The following EFEMP2 variants were observed in gnomAD, a reference collection of about 807,000 sequenced individuals.
EFEMP2 encodes EGF-like fibulin extracellular matrix protein 2.
EFEMP2 carries 21 observed loss-of-function variants against 55.3 expected under a neutral mutation model. The observed-to-expected ratio is 0.38, with a 90% confidence interval of 0.27 to 0.55. The LOEUF (loss-of-function observed/expected upper bound fraction) is 0.55. Ranked by LOEUF, EFEMP2 falls within the 20% of genes least tolerant of loss-of-function variation. EFEMP2 has a pLI of 0.77. For missense variants in EFEMP2, 513 were observed against 615.1 expected, an observed-to-expected ratio of 0.83 and a Z score of 1.76; for synonymous variants, 275 against 242.3, an observed-to-expected ratio of 1.14 and a Z score of -1.25.
At position 65,871,345 on chromosome 11, in the gene EFEMP2, G is replaced by C; in HGVS notation, c.179C>G (p.Thr60Ser). Residue 60 changes from threonine to serine, a missense_variant, in exon 4 of 11, where the codon ACC becomes AGC. Transcript: ENST00000307998. ...QHCRDVNECLTIPEACKGEMK... is the reference protein window; with the variant it reads ...QHCRDVNECLSIPEACKGEMK... The stretch of plus-strand genomic sequence containing the variant: ...TTCCCCCTTGCAGGCCTCAGGGATG[G>C]TCAGACACTCGTTGACATCTGCAGA... 6.2e-7 allele frequency: 1 copy of C among 1,614,166 alleles called. No individual in the cohort carries two copies. The highest frequency in any genetic ancestry group is 2.2e-5 in the East Asian group (1 of 44,884).
intron 7 of EFEMP2, 146 bp from the exon 8 acceptor site, chr11:65,868,775 G>C (rs1324872227): frequency 8.6e-7 from 1 of 1,156,210 alleles, no homozygotes; most frequent in Non-Finnish European, 1.3e-6. Context: ...GTTCAGCCGG[G>C]AGATGGAGGG....
intron 4 of EFEMP2, chr11:65,870,908 G>A (rs1859954085): frequency 2.8e-6 from 2 of 706,444 alleles, no homozygotes; most frequent in Non-Finnish European, 4.9e-6. Context: ...GTGGCTCCCA[G>A]GGGACAGACA....
At chr11:65,868,732 T>C (rs1859911201) in intron 7 of EFEMP2, 103 bp from the exon 8 acceptor site, 1 of 1,508,772 alleles carries the variant, frequency 6.6e-7, no homozygotes, top group Admixed American at 1.7e-5. Context: ...AGACTGAATG[T>C]AGGAAGACAG....
chr11:65,869,690 A>C lies in EFEMP2; in HGVS notation c.727+167T>G, dbSNP rs1403216206. On this transcript the variant is annotated intron_variant, in intron 7 of 10. Coordinates refer to ENST00000307998, the MANE Select transcript of EFEMP2 (RefSeq NM_016938.5). ...TGCCTCTCCTTGTGCCTCCCCCACT[A>C]GCCTGGGAGTGCTCCACAGCCAGCC... 9.0e-6 allele frequency: 9 copies of C among 1,002,132 alleles called. 1 individual carries two copies. Among genetic ancestry groups the C allele is most frequent in the African/African-American group, 1.6e-5 (1 of 63,438 alleles). 62.1% of individuals were successfully genotyped at this position (1,002,132 alleles called of 1,614,324 possible).
rs900430907 is a variant in EFEMP2 at position 65,872,774 on chromosome 11, C to T, written c.-99G>A. On this transcript the variant is annotated 5_prime_UTR_variant, in exon 1 of 11. Coordinates refer to ENST00000307998, the MANE Select transcript of EFEMP2 (RefSeq NM_016938.5). The stretch of plus-strand genomic sequence containing the variant: ...GCAGACGGACGGGCGGACGGCACAG[C>T]TCCCTGGACGCGCGGCCCCAGGAAG... The T allele has an allele frequency of 7.4e-6, 2 of 271,542 alleles. No homozygotes were observed. The highest frequency in any genetic ancestry group is 1.5e-5 in the Non-Finnish European group (2 of 129,754). 16.8% of individuals were successfully genotyped at this position (271,542 alleles called of 1,614,324 possible).
intron 1 of EFEMP2, 144 bp downstream of exon 1, chr11:65,872,539 C>A (rs1403345586): frequency 1.2e-5 from 6 of 488,822 alleles, no homozygotes; most frequent in African/African-American, 2.1e-5. Flanking sequence ...GGTCCCAGGC[C>A]CACCCGCCCC....
rs950711280 is a variant in EFEMP2, at chr11:65,872,190, G to A, written c.111+54C>T. On this transcript the variant is annotated intron_variant, in intron 2 of 10. Coordinates refer to ENST00000307998, the MANE Select transcript of EFEMP2 (RefSeq NM_016938.5). ...CCGGCAGCAGTCACCCTGGGTCCCG[G>A]TCTCTTCCTCCCTACCCTTCCTGTC... 2.6e-6 allele frequency: 4 copies of A among 1,519,424 alleles called. No homozygotes were observed. In the African/African-American group the frequency reaches 4.1e-5, roughly 16 times the overall value. 94.1% of individuals were successfully genotyped at this position (1,519,424 alleles called of 1,614,324 possible). A position where few individuals can be genotyped will look rare whatever the true frequency, so the allele number is the denominator to read the frequency against.
chr11:65,867,539 C>T (rs1339267266), intron 10 of EFEMP2: 5 of 464,154 alleles, frequency 1.1e-5, no homozygotes, highest in Non-Finnish European at 2.0e-5. Context: ...TCCCACCTAA[C>T]AGATCCACTA....
At position 65,872,169 on chromosome 11, in the gene EFEMP2, C is replaced by T. The variant is rs767676279; in HGVS notation, c.111+75G>A. 2.3e-5 allele frequency: 34 copies of T among 1,499,618 alleles called. No individual in the cohort carries two copies. The South Asian group carries it at 4.1e-4, about 18-fold the overall frequency. 92.9% of individuals were successfully genotyped at this position (1,499,618 alleles called of 1,614,324 possible). ...AGCCAGGGGAGGAAGACTTCCCCGG[C>T]AGCAGTCACCCTGGGTCCCGGTCTC... is the stretch of plus-strand genomic sequence containing the variant. On this transcript the variant is annotated intron_variant, in intron 2 of 10. Transcript: ENST00000307998.
intron 7 of EFEMP2, chr11:65,869,280 T>C (rs542518675): frequency 1.0e-5 from 2 of 193,386 alleles, no homozygotes; most frequent in South Asian, 2.0e-4. Context: ...GACTTTGTGA[T>C]TATTTTTATG....
chr11:65,871,531 C>T (rs1591067997), intron 3 of EFEMP2, 168 bp from the exon 4 acceptor site: 4 of 681,764 alleles, frequency 5.9e-6, no homozygotes, highest in Admixed American at 2.5e-5. Flanking sequence ...CCAGGGTTGG[C>T]CAAGGCTGGA....
chr11:65,872,447 C>G, intron 1 of EFEMP2, 86 bp from the exon 2 acceptor site: 3 of 956,824 alleles, frequency 3.1e-6, no homozygotes, highest in Non-Finnish European at 4.8e-6. Flanking sequence ...GCCCCCGCCA[C>G]TGCCCGCTCA....
chr11:65,871,444 T>G, intron 3 of EFEMP2, 81 bp from the exon 4 acceptor site: 4 of 1,321,486 alleles, frequency 3.0e-6, no homozygotes, highest in South Asian at 1.2e-5. Flanking sequence ...CAGCTCGGCC[T>G]TCTCTGAGAT....
At position 65,872,356 on chromosome 11, in the gene EFEMP2, C is replaced by T. The variant is rs1469844798; in HGVS notation, c.-2G>A. ...TAGGCAGGAGGCGCAGGGGAGCATC[C>T]TGGGGCTGCGAGATGGTGGACACGG... On this transcript the variant is annotated 5_prime_UTR_variant, in exon 2 of 11. Transcript: ENST00000307998. The T allele has an allele frequency of 1.3e-6, 2 of 1,549,636 alleles. No homozygotes were observed. Among genetic ancestry groups the T allele is most frequent in the Non-Finnish European group, 8.7e-7 (1 of 1,145,646 alleles).
At position 65,867,292 on chromosome 11, in the gene EFEMP2, C is replaced by G. The variant is rs11820436; in HGVS notation, c.1171-213G>C. The stretch of plus-strand genomic sequence containing the variant: ...TCAGAAATCTCCTGCTGGGGCTCTT[C>G]TCACCCTCTCCAGCCTGCTCTGTCT... On this transcript the variant is annotated intron_variant, in intron 10 of 10. Coordinates refer to ENST00000307998, the MANE Select transcript of EFEMP2 (RefSeq NM_016938.5). 5.9e-3 allele frequency: 3,635 copies of G among 611,140 alleles called. 106 individuals carry two copies. Among genetic ancestry groups the G allele is most frequent in the African/African-American group, 0.059 (3,226 of 54,294 alleles). The allele number at this position is 611,140 out of a possible 1,614,324, so 37.9% of individuals were successfully genotyped here.
chr11:65,870,974 G>T, intron 4 of EFEMP2, 183 bp downstream of exon 4: 1 of 792,362 alleles, frequency 1.3e-6, no homozygotes, highest in Non-Finnish European at 2.1e-6. Flanking sequence ...GGGGCCCGGA[G>T]CTGGCTGGAG....
intron 7 of EFEMP2, chr11:65,868,970 C>A: frequency 2.8e-6 from 1 of 353,292 alleles, no homozygotes; most frequent in Non-Finnish European, 5.5e-6. Flanking sequence ...TCTTATGGGT[C>A]TGGCTTGTGC....
intron 9 of EFEMP2, 113 bp downstream of exon 9, chr11:65,868,182 T>C: frequency 6.4e-7 from 1 of 1,568,224 alleles, no homozygotes; most frequent in South Asian, 1.1e-5. Context: ...CATGAAGGAC[T>C]ATGATTCCCA....
intron 3 of EFEMP2, 93 bp downstream of exon 3, chr11:65,871,877 C>A: frequency 6.8e-7 from 1 of 1,478,566 alleles, no homozygotes; most frequent in South Asian, 1.2e-5. Context: ...TGGGCTCCCA[C>A]GGCAGTTCTT....
Sources: allele counts gnomAD v4.1 joint callset, GRCh38; gene constraint gnomAD v4.1.1; transcripts MANE v1.5; gene names NCBI Gene and HGNC (gene_info 2026-07-23, HGNC 2026-07-21).